RIT2: variants seen among roughly 807,000 people sequenced by gnomAD.
RIT2 encodes the protein GTP-binding protein Rit2.
A neutral mutation model predicts 23.7 loss-of-function variants in RIT2; 24 were observed. That is an observed-to-expected ratio of 1.01 (90% CI 0.73 to 1.43). The LOEUF (loss-of-function observed/expected upper bound fraction) is 1.43. Among genes scored for constraint, RIT2 ranks in the 40% most tolerant of loss-of-function variants. RIT2 has a pLI of 0.00. For missense variants in RIT2, 236 were observed against 266.9 expected (o/e 0.88, Z 0.81); for synonymous variants, 107 against 91.1 (o/e 1.17, Z -0.99).
chr18:42,947,489 C>A (rs1330566288), intron 3 of RIT2, among the ~76,000 whole-genome samples: 1 of 152,166 alleles, frequency 6.6e-6, no homozygotes, highest in East Asian at 1.9e-4. Context: ...CTTTATTAAC[C>A]TTTGTTACTG....
At chr18:43,087,809 G>A (rs1025182457) in intron 1 of RIT2, among the ~76,000 whole-genome samples, 28 of 151,718 alleles carry the variant, frequency 1.8e-4, no homozygotes, top group Non-Finnish European at 3.2e-4. Flanking sequence ...GTGGTCCTTG[G>A]TGTGGTTGTC....
chr18:43,102,083 A>T (rs186522809), intron 1 of RIT2, among the ~76,000 whole-genome samples: 1 of 152,326 alleles, frequency 6.6e-6, no homozygotes, highest in East Asian at 1.9e-4. Context: ...CAGCTTCCTG[A>T]CATCAGGGAG....
At chr18:42,955,754 T>C (rs905622033) in intron 3 of RIT2, among the ~76,000 whole-genome samples, 7 of 152,226 alleles carry the variant, frequency 4.6e-5, no homozygotes, top group Admixed American at 3.3e-4. Context: ...GTTCAGGTTT[T>C]TACTATATTC....
chr18:42,761,491 A>G (rs1913301820), intron 4 of RIT2, among the ~76,000 whole-genome samples: 2 of 152,176 alleles, frequency 1.3e-5, no homozygotes, highest in Admixed American at 6.5e-5. Context: ...TTACAAGTAG[A>G]AAAATAATCA....
intron 2 of RIT2, among the ~76,000 whole-genome samples, chr18:43,003,254 CTT>C (rs5824464): frequency 0.031 from 4,708 of 151,864 alleles, 245 homozygotes; most frequent in African/African-American, 0.11. Flanking sequence ...CCAAGCACAA[CTT>C]TTTTTTCTGC....
At chr18:42,847,720 A>G (rs1906947804) in intron 4 of RIT2, among the ~76,000 whole-genome samples, 2 of 151,992 alleles carry the variant, frequency 1.3e-5, no homozygotes, top group Non-Finnish European at 2.9e-5. Context: ...TGTTCTAGGT[A>G]GGCCTTTGGG....
rs1172606822 is a variant in RIT2, at chr18:42,986,060, A to C, written c.161-11913T>G. On this transcript the variant is annotated intron_variant, in intron 2 of 4. Transcript: ENST00000326695. ...TTCTTTTCTTTTTTTTTTTTTTTAG[A>C]TGGAGTGTGGCTCTCATTGCCTAGG... is the stretch of plus-strand genomic sequence containing the variant. Among the ~76,000 whole-genome samples, 5 of 145,142 alleles carry C rather than the reference A, an allele frequency of 3.4e-5. No homozygotes were observed. The East Asian group carries it at 9.9e-4, about 29-fold the overall frequency.
At chr18:43,000,465 A>G (rs1469599377) in intron 2 of RIT2, among the ~76,000 whole-genome samples, 2 of 152,058 alleles carry the variant, frequency 1.3e-5, no homozygotes, top group Non-Finnish European at 1.5e-5. Context: ...CCTTCTTAAT[A>G]TCTATGGACA....
chr18:43,064,894 G>A (rs1177113394), intron 1 of RIT2, among the ~76,000 whole-genome samples: 4 of 152,076 alleles, frequency 2.6e-5, no homozygotes, highest in African/African-American at 4.8e-5. Flanking sequence ...TCAGCTCACT[G>A]CAACCTCCAC....
chr18:42,885,290 G>A (rs1907992243), intron 4 of RIT2, among the ~76,000 whole-genome samples: 1 of 152,156 alleles, frequency 6.6e-6, no homozygotes, highest in African/African-American at 2.4e-5. Flanking sequence ...TCTAGTTAAA[G>A]AATTGTCAAT....
At chr18:42,879,931 A>G (rs888228998) in intron 4 of RIT2, among the ~76,000 whole-genome samples, 4 of 152,170 alleles carry the variant, frequency 2.6e-5, no homozygotes, top group Non-Finnish European at 5.9e-5. Context: ...TTTCTTCTGG[A>G]AACACTAGCT....
At chr18:42,762,722 C>T (rs1913330482) in intron 4 of RIT2, among the ~76,000 whole-genome samples, 1 of 152,188 alleles carries the variant, frequency 6.6e-6, no homozygotes, top group Non-Finnish European at 1.5e-5. Flanking sequence ...AAATAGCTTC[C>T]TTCAATGACC....
intron 1 of RIT2, among the ~76,000 whole-genome samples, chr18:43,088,185 A>G (rs1048195162): frequency 6.6e-6 from 1 of 152,212 alleles, no homozygotes; most frequent in African/African-American, 2.4e-5. Flanking sequence ...AGCAGAATAA[A>G]AAACTTTGAA....
At chr18:43,064,572 G>T (rs999905435) in intron 1 of RIT2, among the ~76,000 whole-genome samples, 1 of 152,048 alleles carries the variant, frequency 6.6e-6, no homozygotes, top group Non-Finnish European at 1.5e-5. Flanking sequence ...TTGAAAGAAC[G>T]CTAGAGCAAT....
At chr18:42,919,820 G>A (rs930807910) in intron 4 of RIT2, among the ~76,000 whole-genome samples, 3 of 152,032 alleles carry the variant, frequency 2.0e-5, no homozygotes, top group Non-Finnish European at 4.4e-5. Context: ...TTGCACAGCC[G>A]GTCAGGGTTT....
chr18:43,071,381 C>T (rs1014262325), intron 1 of RIT2, among the ~76,000 whole-genome samples: 4 of 151,960 alleles, frequency 2.6e-5, no homozygotes, highest in African/African-American at 4.8e-5. Flanking sequence ...GTTGGGGTGG[C>T]GGGGGGCGAG....
chr18:42,884,215 A>C (rs904950775), intron 4 of RIT2, among the ~76,000 whole-genome samples: 10 of 152,152 alleles, frequency 6.6e-5, no homozygotes, highest in African/African-American at 2.4e-4. Flanking sequence ...CAACTCTTGA[A>C]CTTTAAATAT....
At chr18:42,781,524 T>A (rs1913810937) in intron 4 of RIT2, among the ~76,000 whole-genome samples, 1 of 152,156 alleles carries the variant, frequency 6.6e-6, no homozygotes, top group Non-Finnish European at 1.5e-5. Flanking sequence ...GGGCCTCAAC[T>A]GCTGCTACCC....
chr18:42,890,564 G>A (rs970626283), intron 4 of RIT2, among the ~76,000 whole-genome samples: 3 of 151,478 alleles, frequency 2.0e-5, no homozygotes, highest in Admixed American at 1.3e-4. Flanking sequence ...TGGAAAGGAG[G>A]GAAGAAGAGA....
Sources: gnomAD v4.1 joint callset for allele counts (sites outside exome capture counted in the v4.1 genomes callset) on GRCh38, gnomAD v4.1.1 for gene constraint, MANE v1.5 for transcripts, NCBI Gene and HGNC (gene_info 2026-07-23, HGNC 2026-07-21) for gene names.